CHRM2: variants seen among roughly 807,000 people sequenced by gnomAD.
CHRM2 encodes muscarinic acetylcholine receptor M2.
A neutral mutation model predicts 25.0 loss-of-function variants in CHRM2; 8 were observed. That is an observed-to-expected ratio of 0.32 (90% CI 0.19 to 0.58). The LOEUF is 0.58. Among genes scored for constraint, CHRM2 ranks in the 20% least tolerant of loss-of-function variants. CHRM2 has a pLI of 0.88. For missense variants in CHRM2, 440 were observed against 567.1 expected, an observed-to-expected ratio of 0.78 and a Z score of 2.28; for synonymous variants, 202 against 205.7, an observed-to-expected ratio of 0.98 and a Z score of 0.15.
chr7:136,995,768 A>T (rs1803557304), intron 3 of CHRM2, among the ~76,000 whole-genome samples: 1 of 151,970 alleles, frequency 6.6e-6, no homozygotes, highest in East Asian at 1.9e-4. Flanking sequence ...CCTGTCTCTA[A>T]ATAAATAAAT....
chr7:136,886,510 C>T (rs1231517658), intron 2 of CHRM2, among the ~76,000 whole-genome samples: 1 of 152,174 alleles, frequency 6.6e-6, no homozygotes, highest in Non-Finnish European at 1.5e-5. Context: ...GTGTGTGAAA[C>T]ACAGTGCCTG....
chr7:136,882,223 A>C (rs748072420), intron 2 of CHRM2, among the ~76,000 whole-genome samples: 1 of 152,052 alleles, frequency 6.6e-6, no homozygotes, highest in Non-Finnish European at 1.5e-5. Flanking sequence ...TTGACAATTT[A>C]ACCTCTTCAC....
intron 2 of CHRM2, among the ~76,000 whole-genome samples, chr7:136,965,409 A>G (rs994688626): frequency 2.0e-5 from 3 of 152,138 alleles, no homozygotes; most frequent in African/African-American, 7.2e-5. Flanking sequence ...CTCATGGACA[A>G]GAGCAAATTA....
intron 2 of CHRM2, among the ~76,000 whole-genome samples, chr7:136,938,079 G>C (rs1563077535): frequency 6.6e-6 from 1 of 152,132 alleles, no homozygotes; most frequent in Non-Finnish European, 1.5e-5. Flanking sequence ...GGCATTTCTG[G>C]AGTTGGGAAT....
At chr7:136,968,080 T>G (rs1048037296) in intron 2 of CHRM2, among the ~76,000 whole-genome samples, 2 of 152,102 alleles carry the variant, frequency 1.3e-5, no homozygotes, top group Admixed American at 1.3e-4. Flanking sequence ...TATGTATTTA[T>G]GTCATATACA....
At chr7:136,909,431 C>A (rs1394268576) in intron 2 of CHRM2, among the ~76,000 whole-genome samples, 1 of 151,816 alleles carries the variant, frequency 6.6e-6, no homozygotes, top group Non-Finnish European at 1.5e-5. Flanking sequence ...TTTATTTAAC[C>A]TTCATTACAA....
intron 2 of CHRM2, among the ~76,000 whole-genome samples, chr7:136,973,700 G>A (rs1372510759): frequency 6.6e-6 from 1 of 151,844 alleles, no homozygotes; most frequent in Non-Finnish European, 1.5e-5. Flanking sequence ...TGTAGGTAAT[G>A]ATGATGATGG....
At chr7:136,965,119 G>A (rs1801330700) in intron 2 of CHRM2, among the ~76,000 whole-genome samples, 1 of 152,084 alleles carries the variant, frequency 6.6e-6, no homozygotes, top group Admixed American at 6.6e-5. Context: ...ATTGTGGTGA[G>A]CTTTAAAATT....
At chr7:136,984,765 A>G (rs1802732726) in intron 2 of CHRM2, among the ~76,000 whole-genome samples, 1 of 151,292 alleles carries the variant, frequency 6.6e-6, no homozygotes, top group Non-Finnish European at 1.5e-5. Flanking sequence ...CTTGCCCTCC[A>G]TGGGCTGCAT....
In CHRM2 at chr7:136,968,721, AATAT is replaced by A. The variant is rs57962090; in HGVS notation, c.-124-23446_-124-23443del. Among the ~76,000 whole-genome samples, 895 of 142,468 alleles carry A rather than the reference AATAT, an allele frequency of 6.3e-3. 7 individuals carry two copies. The highest frequency in any genetic ancestry group is 0.02 in the African/African-American group (784 of 39,008). The allele number at this position is 142,468 out of a possible 152,430, so 93.5% of individuals were successfully genotyped here. A position where few individuals can be genotyped will look rare whatever the true frequency, so the allele number is the denominator to read the frequency against. ...TTATTATATATATTGTATTATCATA[AATAT>A]ATATATATATATATATATACAGACA... On this transcript the variant is annotated intron_variant, in intron 2 of 3. Transcript: ENST00000680005.
At chr7:136,885,243 T>G (rs1053185643) in intron 2 of CHRM2, among the ~76,000 whole-genome samples, 2 of 152,198 alleles carry the variant, frequency 1.3e-5, no homozygotes, top group African/African-American at 4.8e-5. Flanking sequence ...AGTCAAAAAT[T>G]TCCTCGTTTC....
chr7:136,939,862 T>C (rs1015767881), intron 2 of CHRM2, among the ~76,000 whole-genome samples: 2 of 152,226 alleles, frequency 1.3e-5, no homozygotes, highest in African/African-American at 4.8e-5. Flanking sequence ...GATTTATCTA[T>C]ATAAATTCAT....
chr7:136,945,487 G>A (rs534184294), intron 2 of CHRM2, among the ~76,000 whole-genome samples: 16 of 152,082 alleles, frequency 1.1e-4, no homozygotes, highest in African/African-American at 2.9e-4. Flanking sequence ...TGAATAGGGC[G>A]TCCTTTCCCC....
At chr7:136,920,796 T>C (rs1798385407) in intron 2 of CHRM2, among the ~76,000 whole-genome samples, 1 of 152,158 alleles carries the variant, frequency 6.6e-6, no homozygotes, top group Non-Finnish European at 1.5e-5. Context: ...ACACTCAGTG[T>C]TTCCTCTTCA....
chr7:136,891,959 C>A (rs564778756), intron 2 of CHRM2, among the ~76,000 whole-genome samples: 1 of 152,256 alleles, frequency 6.6e-6, no homozygotes. Context: ...ATTTATCTAA[C>A]TTTTACTTCA....
rs1009597642 is a variant in CHRM2, at chr7:136,995,208, C to T, written c.-47+2944C>T. 1.1e-4 allele frequency among the ~76,000 whole-genome samples: 17 copies of T among 152,144 alleles called. No individual in the cohort carries two copies. In the East Asian group the frequency reaches 3.3e-3, roughly 29 times the overall value. ...TATGTGAATTGTCTACATATACATACATCACAATTAGAAATATAGTGGCAA... is the reference window on the plus strand; with the variant it reads ...TATGTGAATTGTCTACATATACATATATCACAATTAGAAATATAGTGGCAA... On this transcript the variant is annotated intron_variant, in intron 3 of 3. Transcript: ENST00000680005.
intron 2 of CHRM2, among the ~76,000 whole-genome samples, chr7:136,990,434 G>C (rs942188235): frequency 6.6e-6 from 1 of 151,982 alleles, no homozygotes; most frequent in South Asian, 2.1e-4. Context: ...CACAGTTTTT[G>C]CCTTTTCCAG....
At chr7:136,970,931 T>G (rs1801726170) in intron 2 of CHRM2, among the ~76,000 whole-genome samples, 1 of 152,218 alleles carries the variant, frequency 6.6e-6, no homozygotes, top group African/African-American at 2.4e-5. Flanking sequence ...ATCAATGTCC[T>G]TTTTAACTTT....
At chr7:136,955,713 C>T (rs1265045119) in intron 2 of CHRM2, among the ~76,000 whole-genome samples, 1 of 152,202 alleles carries the variant, frequency 6.6e-6, no homozygotes, top group East Asian at 1.9e-4. Flanking sequence ...TTTGGAATAA[C>T]TATCTTCACA....
Sources: gnomAD v4.1 joint callset for allele counts (sites outside exome capture counted in the v4.1 genomes callset) on GRCh38, gnomAD v4.1.1 for gene constraint, MANE v1.5 for transcripts, NCBI Gene and HGNC (gene_info 2026-07-23, HGNC 2026-07-21) for gene names.